The following ARHGAP28 variants were observed in gnomAD, a reference collection of about 807,000 sequenced individuals.
ARHGAP28 encodes rho GTPase-activating protein 28.
In ARHGAP28, 56 loss-of-function variants were observed where a neutral mutation model predicts 90.7. The ratio of observed to expected loss-of-function variants is 0.62; its 90% confidence interval spans 0.50 to 0.77. The LOEUF (loss-of-function observed/expected upper bound fraction) is 0.77. ARHGAP28 is among the 30% of genes least tolerant of loss of function. The pLI is 0.00. For missense variants in ARHGAP28, 869 were observed against 900.9 expected, an observed-to-expected ratio of 0.96 and a Z score of 0.45; for synonymous variants, 308 against 323.3, an observed-to-expected ratio of 0.95 and a Z score of 0.51.
intron 1 of ARHGAP28, among the ~76,000 whole-genome samples, chr18:6,821,685 G>T (rs1438046021): frequency 1.3e-5 from 2 of 152,156 alleles, no homozygotes; most frequent in African/African-American, 2.4e-5. Context: ...GCTGATCATT[G>T]TGATTAAAGG....
At position 6,901,557 on chromosome 18, in the gene ARHGAP28, A is replaced by G. The variant is rs1233674464; in HGVS notation, c.2030+4931A>G. Among the ~76,000 whole-genome samples, 4 of 146,554 alleles carry G rather than the reference A, an allele frequency of 2.7e-5. No individual in the cohort carries two copies. The East Asian group carries it at 5.9e-4, about 22-fold the overall frequency. On this transcript the variant is annotated intron_variant, in intron 16 of 17. Transcript: ENST00000383472. Reference sequence around the variant, plus strand: ...TGATATGATAAAAAAAAAAAAAAAAACAGCCCTTTATCTCTGTGGTCTTCC... The same window carrying G: ...TGATATGATAAAAAAAAAAAAAAAAGCAGCCCTTTATCTCTGTGGTCTTCC...
intron 1 of ARHGAP28, among the ~76,000 whole-genome samples, chr18:6,743,223 C>G (rs1049126789): frequency 6.6e-6 from 1 of 152,164 alleles, no homozygotes; most frequent in Non-Finnish European, 1.5e-5. Context: ...AAATGCAGAA[C>G]TTAAAAACCC....
chr18:6,774,794 T>TG (rs924895167), intron 1 of ARHGAP28, among the ~76,000 whole-genome samples: 2 of 152,218 alleles, frequency 1.3e-5, no homozygotes, highest in African/African-American at 4.8e-5. Flanking sequence ...GGCTGTGTGT[T>TG]GCCCTGGTCC....
chr18:6,744,130 C>G (rs1869137588), intron 1 of ARHGAP28, among the ~76,000 whole-genome samples: 1 of 152,102 alleles, frequency 6.6e-6, no homozygotes, highest in Admixed American at 6.5e-5. Context: ...ACAAAAACTT[C>G]TTGGAGGAGT....
In ARHGAP28 at chr18:6,908,111, G is replaced by GTTTAT. The variant is rs1328849793; in HGVS notation, c.2031-840_2031-836dup. ...TGACTTGCTTTTATTTTATTTTATAGTTTATTTTATTTTGTTTTATTTTAT... is the reference window on the plus strand; with the variant it reads ...TGACTTGCTTTTATTTTATTTTATAGTTTATTTTATTTTATTTTGTTTTATTTTAT... On this transcript the variant is annotated intron_variant, in intron 16 of 17. Coordinates refer to ENST00000383472, the MANE Select transcript of ARHGAP28 (RefSeq NM_001366230.1). Among the ~76,000 whole-genome samples the GTTTAT allele has an allele frequency of 4.7e-5, 7 of 148,120 alleles. No individual in the cohort carries two copies. In the South Asian group the frequency reaches 1.5e-3, roughly 31 times the overall value.
chr18:6,753,333 T>C (rs1426352570), intron 1 of ARHGAP28, among the ~76,000 whole-genome samples: 1 of 152,234 alleles, frequency 6.6e-6, no homozygotes, highest in Non-Finnish European at 1.5e-5. Context: ...AAATTAGTCT[T>C]TAAATTTTTT....
At position 6,856,056 on chromosome 18, in the gene ARHGAP28, G is replaced by A. The variant is rs572883877; in HGVS notation, c.637-3752G>A. On this transcript the variant is annotated intron_variant, in intron 4 of 17. Coordinates refer to ENST00000383472, the MANE Select transcript of ARHGAP28 (RefSeq NM_001366230.1). ...AGTGGGCGGAATGAACCCAGTGGGC[G>A]GAATGAACCCAGTGGGCCCGAGCAA... 1.4e-4 allele frequency among the ~76,000 whole-genome samples: 21 copies of A among 152,232 alleles called. 1 individual carries two copies. The South Asian group carries it at 3.3e-3, about 24-fold the overall frequency.
At chr18:6,776,197 C>T (rs1225362707) in intron 1 of ARHGAP28, among the ~76,000 whole-genome samples, 1 of 152,056 alleles carries the variant, frequency 6.6e-6, no homozygotes, top group Non-Finnish European at 1.5e-5. Flanking sequence ...CAATGCCTTT[C>T]TATGATAAGT....
At chr18:6,827,265 C>T (rs1309968712) in intron 2 of ARHGAP28, among the ~76,000 whole-genome samples, 5 of 151,368 alleles carry the variant, frequency 3.3e-5, no homozygotes, top group Non-Finnish European at 1.5e-5. Flanking sequence ...TAGGGGCGGC[C>T]GGGCTGAGGC....
chr18:6,783,928 C>T (rs1432325975), intron 1 of ARHGAP28, among the ~76,000 whole-genome samples: 1 of 152,220 alleles, frequency 6.6e-6, no homozygotes, highest in East Asian at 1.9e-4. Context: ...TAACCACTCC[C>T]TCCCTTTGGG....
intron 1 of ARHGAP28, among the ~76,000 whole-genome samples, chr18:6,792,206 AT>A (rs1324415709): frequency 6.6e-6 from 1 of 152,292 alleles, no homozygotes; most frequent in East Asian, 1.9e-4. Flanking sequence ...TTTGTAACTG[AT>A]GGAGGTGTAT....
intron 3 of ARHGAP28, among the ~76,000 whole-genome samples, chr18:6,846,994 G>C (rs969986096): frequency 6.6e-6 from 1 of 152,184 alleles, no homozygotes; most frequent in African/African-American, 2.4e-5. Flanking sequence ...GTGAGCAAGT[G>C]GGGTCTGCAG....
chr18:6,847,531 T>C (rs1328176998), intron 3 of ARHGAP28, among the ~76,000 whole-genome samples: 1 of 151,938 alleles, frequency 6.6e-6, no homozygotes, highest in Non-Finnish European at 1.5e-5. Context: ...GCCAATAAGG[T>C]CTGAAAAATA....
intron 1 of ARHGAP28, among the ~76,000 whole-genome samples, chr18:6,815,775 A>C (rs2056586171): frequency 6.6e-6 from 1 of 152,232 alleles, no homozygotes; most frequent in Admixed American, 6.5e-5. Context: ...ATGTCACAAT[A>C]AAGTACATCA....
chr18:6,847,390 A>G (rs934963720), intron 3 of ARHGAP28, among the ~76,000 whole-genome samples: 3 of 152,174 alleles, frequency 2.0e-5, no homozygotes, highest in African/African-American at 4.8e-5. Flanking sequence ...GGAAAAATAT[A>G]TGGTGAGTTT....
At chr18:6,860,023 G>A in intron 5 of ARHGAP28, 126 bp downstream of exon 5, 1 of 793,444 alleles carries the variant, frequency 1.3e-6, no homozygotes, top group Non-Finnish European at 2.0e-6. Flanking sequence ...AGATTGCAAG[G>A]AAACCACAGC....
intron 1 of ARHGAP28, among the ~76,000 whole-genome samples, chr18:6,752,814 A>G (rs1178982515): frequency 6.6e-6 from 1 of 152,194 alleles, no homozygotes; most frequent in Admixed American, 6.5e-5. Context: ...CCCTGGTCAC[A>G]GTTCAGGAAT....
At chr18:6,783,300 T>G (rs1182345909) in intron 1 of ARHGAP28, among the ~76,000 whole-genome samples, 1 of 151,370 alleles carries the variant, frequency 6.6e-6, no homozygotes, top group African/African-American at 2.4e-5. Flanking sequence ...TTAAGGGTAT[T>G]TACTTTTTTT....
chr18:6,781,415 C>A (rs1420597633), intron 1 of ARHGAP28, among the ~76,000 whole-genome samples: 1 of 152,230 alleles, frequency 6.6e-6, no homozygotes, highest in Non-Finnish European at 1.5e-5. Context: ...CCAGGCACGT[C>A]TGTCAGGCTC....
Sources: gnomAD v4.1 joint callset for allele counts (sites outside exome capture counted in the v4.1 genomes callset) on GRCh38, gnomAD v4.1.1 for gene constraint, MANE v1.5 for transcripts, NCBI Gene and HGNC (gene_info 2026-07-23, HGNC 2026-07-21) for gene names.